DGKB: variants seen among roughly 807,000 people sequenced by gnomAD.
The protein encoded by DGKB is diacylglycerol kinase beta, also known as 90 kDa diacylglycerol kinase.
A neutral mutation model predicts 114.3 loss-of-function variants in DGKB; 67 were observed. That is an observed-to-expected ratio of 0.59 (90% CI 0.48 to 0.72). The LOEUF (loss-of-function observed/expected upper bound fraction) is 0.72, where lower values mean the gene tolerates loss of function less well. Ranked by LOEUF, DGKB falls within the 30% of genes least tolerant of loss-of-function variation. The probability of loss-of-function intolerance (pLI) is 0.00; values close to 1 mark genes in which losing one functional copy is unlikely to be tolerated. For missense variants in DGKB, 907 were observed against 975.2 expected, an observed-to-expected ratio of 0.93 and a Z score of 0.93; for synonymous variants, 398 against 323.1, an observed-to-expected ratio of 1.23 and a Z score of -2.49.
intron 21 of DGKB, among the ~76,000 whole-genome samples, chr7:14,347,875 G>A (rs1396221001): frequency 4.6e-5 from 7 of 151,966 alleles, no homozygotes; most frequent in Admixed American, 4.6e-4. Context: ...TGCACATCTT[G>A]AATATATGTA....
At position 14,574,244 on chromosome 7, in the gene DGKB, T is replaced by C. The variant is rs772355299; in HGVS notation, c.1738A>G (p.Ser580Gly). 1 of 1,613,396 alleles carries C rather than the reference T, an allele frequency of 6.2e-7. No homozygotes were observed. The highest frequency in any genetic ancestry group is 8.5e-7 in the Non-Finnish European group (1 of 1,179,582). The change falls in exon 20 of 26, where the codon AGT becomes GGT. Residue 580 changes from serine to glycine, a missense_variant. Around this residue, in one of 3 missense-constraint regions of DGKB, gnomAD observed 814 missense variants for 856.6 expected, o/e 0.95. Coordinates refer to ENST00000402815, the MANE Select transcript of DGKB (RefSeq NM_001350709.2). The part of the protein sequence containing the change: ...KDEKGDPVPY[S>G]IINNYFSIGV... The stretch of plus-strand genomic sequence containing the variant: ...ATGGAAAAGTAATTATTGATGATAC[T>C]GTAAGGCACTGGGTCTCCTTTCTCA...
intron 20 of DGKB, among the ~76,000 whole-genome samples, chr7:14,559,999 CTTTCA>C (rs977408137): frequency 1.4e-5 from 2 of 147,698 alleles, no homozygotes; most frequent in Non-Finnish European, 3.0e-5. Context: ...CTCTCTTTTT[CTTTCA>C]TTTAAGTGTG....
intron 23 of DGKB, among the ~76,000 whole-genome samples, chr7:14,252,614 G>A (rs1026755269): frequency 7.6e-4 from 116 of 152,220 alleles, no homozygotes; most frequent in African/African-American, 2.7e-3. Flanking sequence ...TCAACCAGGC[G>A]CCAGGCTCCA....
rs1525087 is a variant in DGKB, at chr7:14,665,637, G to A, written c.1134+7292C>T. On this transcript the variant is annotated intron_variant, in intron 13 of 25. Coordinates refer to ENST00000402815, the MANE Select transcript of DGKB (RefSeq NM_001350709.2). ...AAATGATTTTTGTGATAATCTGCTT[G>A]ATTTTACTCTTCAAAGTTTAAAATG... Among the ~76,000 whole-genome samples the A allele has an allele frequency of 5.3e-5, 8 of 152,008 alleles. No individual in the cohort carries two copies. In the East Asian group the frequency reaches 1.4e-3, roughly 26 times the overall value.
intron 2 of DGKB, among the ~76,000 whole-genome samples, chr7:14,775,738 C>A (rs1032797066): frequency 4.6e-5 from 7 of 152,120 alleles, no homozygotes; most frequent in Admixed American, 1.3e-4. Context: ...CCTCCCCAGC[C>A]CTGCTGAATT....
chr7:14,283,820 G>A (rs1316132592), intron 23 of DGKB, among the ~76,000 whole-genome samples: 1 of 151,994 alleles, frequency 6.6e-6, no homozygotes, highest in East Asian at 1.9e-4. Context: ...TATGCAGAAA[G>A]CTGAAACTGG....
At chr7:14,212,927 T>C (rs964444371) in intron 23 of DGKB, among the ~76,000 whole-genome samples, 2 of 152,052 alleles carry the variant, frequency 1.3e-5, no homozygotes, top group Admixed American at 1.3e-4. Context: ...TATACATGAC[T>C]ATGTACTTTA....
At position 14,919,095 on chromosome 7, in the gene DGKB, A is replaced by ACACAAAC. The variant is rs1554345122; in HGVS notation, c.-188+55600_-188+55601insGTTTGTG. Among the ~76,000 whole-genome samples the ACACAAAC allele has an allele frequency of 1.6e-4, 18 of 114,966 alleles. No individual in the cohort carries two copies. In the East Asian group the frequency reaches 1.6e-3, roughly 10 times the overall value. The allele number at this position is 114,966 out of a possible 152,430, so 75.4% of individuals were successfully genotyped here. ...ACACACACACACACACACACACACAAACACACACACACACACACACACACA... is the reference window on the plus strand; with the variant it reads ...ACACACACACACACACACACACACAACACAAACACACACACACACACACACACACACA... On this transcript the variant is annotated intron_variant, in intron 1 of 4. Coordinates refer to the DGKB transcript ENST00000437998.
At position 14,916,660 on chromosome 7, in the gene DGKB, TAGAA is replaced by T. The variant is rs1784253255; in HGVS notation, c.-188+58032_-188+58035del. On this transcript the variant is annotated intron_variant, in intron 1 of 4. Transcript: ENST00000437998. ...TTAAAGAACATGAGGCAAAAAATGATAGAAAGAGAAATAGAAAATTCATTATTAT... is the reference window on the plus strand; with the variant it reads ...TTAAAGAACATGAGGCAAAAAATGATAGAGAAATAGAAAATTCATTATTAT... 2.6e-5 allele frequency among the ~76,000 whole-genome samples: 4 copies of T among 151,950 alleles called. No homozygotes were observed. The South Asian group carries it at 8.3e-4, about 32-fold the overall frequency.
At chr7:14,610,424 G>C (rs376677383) in intron 16 of DGKB, among the ~76,000 whole-genome samples, 2 of 151,950 alleles carry the variant, frequency 1.3e-5, no homozygotes, top group African/African-American at 4.8e-5. Flanking sequence ...ACTACCTGTT[G>C]GGTACTACGC....
At chr7:14,886,176 A>G (rs966387077) in intron 1 of DGKB, among the ~76,000 whole-genome samples, 10 of 151,852 alleles carry the variant, frequency 6.6e-5, no homozygotes, top group Admixed American at 2.6e-4. Flanking sequence ...CAAATGTGAG[A>G]GGCAACAGAG....
At chr7:14,221,146 ATGCCTTTTATTTATTTTTT>A (rs1206254224) in intron 23 of DGKB, among the ~76,000 whole-genome samples, 2 of 151,292 alleles carry the variant, frequency 1.3e-5, no homozygotes, top group Non-Finnish European at 3.0e-5. Context: ...TTTCAATCTG[ATGCCTTTTATTTATTTTTT>A]TGCCTTTTAT....
intron 1 of DGKB, among the ~76,000 whole-genome samples, chr7:14,966,319 C>G (rs891551173): frequency 6.6e-6 from 1 of 151,950 alleles, no homozygotes; most frequent in African/African-American, 2.4e-5. Flanking sequence ...TAAAAACTTA[C>G]TAAATAATTT....
intron 2 of DGKB, 44 bp downstream of exon 2, chr7:14,841,150 G>T: frequency 6.7e-7 from 1 of 1,489,578 alleles, no homozygotes; most frequent in Non-Finnish European, 9.3e-7. Context: ...ACTTTGTCTA[G>T]CACAAATGTC....
chr7:14,618,346 C>T (rs1045061340), intron 15 of DGKB, among the ~76,000 whole-genome samples: 23 of 151,556 alleles, frequency 1.5e-4, no homozygotes, highest in African/African-American at 5.1e-4. Flanking sequence ...GATATTTAAT[C>T]ATAAAGGTCC....
intron 23 of DGKB, among the ~76,000 whole-genome samples, chr7:14,247,254 G>C (rs1346794405): frequency 2.6e-5 from 4 of 151,986 alleles, no homozygotes; most frequent in African/African-American, 9.7e-5. Context: ...ATCTATCCAT[G>C]AACACAAATA....
At chr7:14,644,492 T>C (rs77304364) in intron 13 of DGKB, among the ~76,000 whole-genome samples, 11,392 of 152,224 alleles carry the variant, frequency 0.075, 805 homozygotes, top group African/African-American at 0.19. Context: ...AAAGAATTCA[T>C]GATCTGAATG....
chr7:14,905,830 G>A (rs1028179427), upstream of DGKB, among the ~76,000 whole-genome samples: 19 of 152,156 alleles, frequency 1.2e-4, no homozygotes, highest in African/African-American at 4.1e-4. Flanking sequence ...GTTTGAATAC[G>A]TGAGTGAATG....
At chr7:14,226,071 A>G (rs1248914723) in intron 23 of DGKB, among the ~76,000 whole-genome samples, 2 of 152,140 alleles carry the variant, frequency 1.3e-5, no homozygotes, top group African/African-American at 2.4e-5. Flanking sequence ...TTAGCTATAG[A>G]TATCCAAGGA....
Sources: allele counts gnomAD v4.1 joint callset (sites outside exome capture counted in the v4.1 genomes callset), GRCh38; gene constraint gnomAD v4.1.1; regional missense constraint gnomAD v4.1.1; transcripts MANE v1.5; gene names NCBI Gene and HGNC (gene_info 2026-07-23, HGNC 2026-07-21).